Variants in RNF150 observed in about 807,000 individuals in gnomAD.
RNF150 encodes the protein ring finger protein 150.
Under a neutral mutation model 39.3 loss-of-function variants are expected in RNF150, and 24 were observed. The ratio of observed to expected loss-of-function variants is 0.61; its 90% CI spans 0.44 to 0.86. RNF150 has a LOEUF of 0.86. Among genes scored for constraint, RNF150 ranks in the 40% least tolerant of loss-of-function variants. The pLI is 0.00. For synonymous variants in RNF150, 255 were observed against 227.3 expected, an observed-to-expected ratio of 1.12 and a Z score of -1.10; for missense variants, 502 against 587.8, an observed-to-expected ratio of 0.85 and a Z score of 1.51.
chr4:140,952,044 T>C (rs1732561268), intron 2 of RNF150, among the ~76,000 whole-genome samples: 1 of 152,176 alleles, frequency 6.6e-6, no homozygotes, highest in Non-Finnish European at 1.5e-5. Context: ...AGTCTCGTAC[T>C]GTCTACCCAG....
At chr4:141,038,429 C>A (rs1736229483) in intron 1 of RNF150, among the ~76,000 whole-genome samples, 1 of 152,122 alleles carries the variant, frequency 6.6e-6, no homozygotes, top group Non-Finnish European at 1.5e-5. Context: ...GTGGCTCATG[C>A]CTGTAATCCC....
chr4:141,151,183 A>G (rs1349046128), intron 1 of RNF150, among the ~76,000 whole-genome samples: 4 of 152,098 alleles, frequency 2.6e-5, no homozygotes, highest in Non-Finnish European at 5.9e-5. Flanking sequence ...GCCTCAAGCA[A>G]TCCTCTAGCC....
intron 1 of RNF150, among the ~76,000 whole-genome samples, chr4:140,981,399 A>C (rs1197800558): frequency 2.0e-5 from 3 of 152,176 alleles, no homozygotes; most frequent in African/African-American, 7.2e-5. Context: ...AACTTTTGGC[A>C]TGAAATAAAA....
At chr4:140,949,763 G>A (rs771828252) in intron 2 of RNF150, among the ~76,000 whole-genome samples, 3 of 152,092 alleles carry the variant, frequency 2.0e-5, no homozygotes, top group Non-Finnish European at 4.4e-5. Context: ...AGTAGCTGGA[G>A]TAAGTGTCAT....
chr4:141,064,271 G>A (rs191484671), intron 1 of RNF150, among the ~76,000 whole-genome samples: 6 of 152,272 alleles, frequency 3.9e-5, no homozygotes, highest in African/African-American at 1.2e-4. Context: ...TCTGAACGTC[G>A]TGGACTCCGT....
At chr4:141,062,319 A>T (rs28430438) in intron 1 of RNF150, among the ~76,000 whole-genome samples, 1 of 151,928 alleles carries the variant, frequency 6.6e-6, no homozygotes, top group Non-Finnish European at 1.5e-5. Flanking sequence ...ATAAACATGC[A>T]TCTTATATAT....
chr4:141,212,095 A>T (rs1257976135), intron 1 of RNF150, among the ~76,000 whole-genome samples: 2 of 152,084 alleles, frequency 1.3e-5, no homozygotes, highest in African/African-American at 4.8e-5. Context: ...ACAATATCTC[A>T]CTGAATAATC....
chr4:141,175,153 G>A (rs1727788757), intron 1 of RNF150, among the ~76,000 whole-genome samples: 1 of 152,120 alleles, frequency 6.6e-6, no homozygotes. Context: ...CGAACAAACG[G>A]GAGTCTTCAG....
At position 141,142,251 on chromosome 4, in the gene RNF150, A is replaced by G. The variant is rs372849432; in HGVS notation, c.-6+70543T>C. On this transcript the variant is annotated intron_variant, in intron 1 of 7. Coordinates refer to the RNF150 transcript ENST00000420921. ...AAACCTATCATCTACTTTTACCCCA[A>G]TGTATCCTTTTCTGTTGTTTAAATG... Among the ~76,000 whole-genome samples the G allele has an allele frequency of 2.5e-4, 38 of 152,236 alleles. No homozygotes were observed. The East Asian group carries it at 3.3e-3, about 13-fold the overall frequency.
intron 4 of RNF150, among the ~76,000 whole-genome samples, chr4:140,946,788 G>T (rs950613671): frequency 6.6e-6 from 1 of 152,120 alleles, no homozygotes; most frequent in Non-Finnish European, 1.5e-5. Context: ...TTACAGGTGT[G>T]AGCCACCATG....
At chr4:141,061,272 T>C (rs1737216241) in intron 1 of RNF150, among the ~76,000 whole-genome samples, 1 of 152,226 alleles carries the variant, frequency 6.6e-6, no homozygotes, top group Non-Finnish European at 1.5e-5. Context: ...TAAATTTTCA[T>C]TTTTTATGAC....
chr4:141,000,087 G>GAAGA (rs1553935774), intron 1 of RNF150, among the ~76,000 whole-genome samples: 1 of 35,902 alleles, frequency 2.8e-5, no homozygotes, highest in Non-Finnish European at 5.3e-5. Flanking sequence ...GAAGAAGAAG[G>GAAGA]AGAAGAAGAA....
chr4:140,965,378 T>C (rs1425116423), intron 2 of RNF150, among the ~76,000 whole-genome samples: 1 of 152,040 alleles, frequency 6.6e-6, no homozygotes, highest in East Asian at 1.9e-4. Flanking sequence ...GATTTACCAA[T>C]CCCTCTTCTG....
Position 141,132,196 on chromosome 4 carries a change from C to T in RNF150, c.484+129G>A. 3.1e-6 allele frequency: 3 copies of T among 956,790 alleles called. No homozygotes were observed. Among genetic ancestry groups the T allele is most frequent in the East Asian group, 2.6e-5 (1 of 38,094 alleles). The allele number at this position is 956,790 out of a possible 1,614,324, so 59.3% of individuals were successfully genotyped here. On this transcript the variant is annotated intron_variant, in intron 1 of 6. Coordinates refer to ENST00000515673, the MANE Select transcript of RNF150 (RefSeq NM_020724.2). This position sits in a 1 kb window ranked among gnomAD's most constrained non-coding sequence, Gnocchi z 4.9. ...TGACGCGGAGCAAAACTTAATCGGTCCAGGGAACCCAGACACGTCTTCCGC... is the reference window on the plus strand; with the variant it reads ...TGACGCGGAGCAAAACTTAATCGGTTCAGGGAACCCAGACACGTCTTCCGC...
chr4:141,132,889 G>T lies in RNF150; in HGVS notation c.-81C>A. 1 of 1,216,462 alleles carries T rather than the reference G, an allele frequency of 8.2e-7. No homozygotes were observed. Among genetic ancestry groups the T allele is most frequent in the Non-Finnish European group, 1.2e-6 (1 of 852,686 alleles). The allele number at this position is 1,216,462 out of a possible 1,614,324, so 75.4% of individuals were successfully genotyped here. On this transcript the variant is annotated 5_prime_UTR_variant, in exon 1 of 7. Coordinates refer to ENST00000515673, the MANE Select transcript of RNF150 (RefSeq NM_020724.2). This position sits in a 1 kb window ranked among gnomAD's most constrained non-coding sequence, Gnocchi z 4.9. Reference sequence around the variant, plus strand: ...CCTCCCCAGCCCCGGCCAACCCCGGGCCGCTGCCTCTCCTCCTGCTGCTGC... The same window carrying T: ...CCTCCCCAGCCCCGGCCAACCCCGGTCCGCTGCCTCTCCTCCTGCTGCTGC...
At chr4:140,876,422 C>G (rs12642343) in intron 6 of RNF150, among the ~76,000 whole-genome samples, 22,164 of 152,186 alleles carry the variant, frequency 0.15, 1,897 homozygotes, top group East Asian at 0.38. Flanking sequence ...GAATTCTTTG[C>G]CTTAGCAAGA....
intron 1 of RNF150, among the ~76,000 whole-genome samples, chr4:141,155,644 T>A (rs1481856340): frequency 6.6e-6 from 1 of 152,206 alleles, no homozygotes; most frequent in Admixed American, 6.5e-5. Context: ...CATCCCATTT[T>A]CACTTTGGGG....
chr4:140,953,731 AAG>A (rs1400217355), intron 2 of RNF150, among the ~76,000 whole-genome samples: 1 of 152,202 alleles, frequency 6.6e-6, no homozygotes, highest in Admixed American at 6.5e-5. Flanking sequence ...TCAATATTTA[AAG>A]AGTTTTCAAT....
At chr4:141,073,541 G>A (rs1737782699) in intron 1 of RNF150, among the ~76,000 whole-genome samples, 1 of 152,040 alleles carries the variant, frequency 6.6e-6, no homozygotes, top group African/African-American at 2.4e-5. Context: ...CTGGAAAGAG[G>A]AAGGACTATG....
Sources: allele counts gnomAD v4.1 joint callset (sites outside exome capture counted in the v4.1 genomes callset), GRCh38; gene constraint gnomAD v4.1.1; non-coding constraint Gnocchi (gnomAD v3.1); transcripts MANE v1.5; gene names NCBI Gene and HGNC (gene_info 2026-07-23, HGNC 2026-07-21).